SLC66A1: variants seen among roughly 807,000 people sequenced by gnomAD.
SLC66A1 encodes the protein solute carrier family 66 member 1, also known as lysosomal amino acid transporter 1 homolog.
SLC66A1 carries 23 observed loss-of-function variants against 33.0 expected under a neutral mutation model. That is an observed-to-expected ratio of 0.70 (90% CI 0.50 to 0.99). The LOEUF (loss-of-function observed/expected upper bound fraction) is 0.99, where lower values mean the gene tolerates loss of function less well. Among genes scored for constraint, SLC66A1 ranks in the 50% least tolerant of loss-of-function variants. The probability of loss-of-function intolerance (pLI) is 0.00; values close to 1 mark genes in which losing one functional copy is unlikely to be tolerated. For missense variants in SLC66A1, 335 were observed against 383.6 expected (o/e 0.87, Z 1.06); for synonymous variants, 164 against 175.5 (o/e 0.93, Z 0.52).
chr1:19,327,263 CT>C lies in SLC66A1; in HGVS notation c.656del (p.Leu219ArgfsTer5). 6.2e-7 allele frequency: 1 copy of C among 1,613,976 alleles called. No homozygotes were observed. Among genetic ancestry groups the C allele is most frequent in the Non-Finnish European group, 8.5e-7 (1 of 1,179,944 alleles). ...GTCCACCCAGGGGATCTCCTACTCT[CT>C]GTTCGCGCTGGTGATGCTGGGGAAC... ...RKSTQGISYS[L>X]FALVMLGNTL... On this transcript the variant is annotated frameshift_variant, in exon 7 of 8. Transcript: ENST00000375153. LOFTEE classifies it high-confidence loss of function.
intron 1 of SLC66A1, among the ~76,000 whole-genome samples, chr1:19,316,904 C>T (rs1569738806): frequency 2.3e-5 from 3 of 127,686 alleles, no homozygotes; most frequent in Admixed American, 7.9e-5. Flanking sequence ...GAGTCTTGCT[C>T]TGTCACCTCT....
At chr1:19,318,549 C>T (rs1460528126) in intron 2 of SLC66A1, among the ~76,000 whole-genome samples, 1 of 152,194 alleles carries the variant, frequency 6.6e-6, no homozygotes, top group East Asian at 1.9e-4. Flanking sequence ...AATGTTTGCA[C>T]AAGCCTGAAA....
intron 2 of SLC66A1, among the ~76,000 whole-genome samples, chr1:19,323,821 C>T (rs1257002234): frequency 6.6e-6 from 1 of 152,216 alleles, no homozygotes; most frequent in Non-Finnish European, 1.5e-5. Flanking sequence ...ACCGGAGGCT[C>T]AGGTAGGGGT....
At chr1:19,325,374 G>T in intron 3 of SLC66A1, 121 bp from the exon 4 acceptor site, 1 of 672,170 alleles carries the variant, frequency 1.5e-6, no homozygotes, top group Non-Finnish European at 2.6e-6. Flanking sequence ...GGAAACAGAA[G>T]CTCAGAGAGG....
At chr1:19,319,605 G>GTTTTTTTTTTGTTTTTTTTTTTTGTTT (rs56769657) in intron 2 of SLC66A1, among the ~76,000 whole-genome samples, 2 of 111,870 alleles carry the variant, frequency 1.8e-5, no homozygotes, top group Admixed American at 9.5e-5. Flanking sequence ...GCACATTCAT[G>GTTTTTTTTTTGTTTTTTTTTTTTGTTT]TTTTTTTTTT....
At chr1:19,317,180 G>T (rs755635258) in intron 1 of SLC66A1, among the ~76,000 whole-genome samples, 2 of 152,084 alleles carry the variant, frequency 1.3e-5, no homozygotes, top group Non-Finnish European at 2.9e-5. Context: ...CATAGGAAAA[G>T]GTAACATCGA....
chr1:19,317,093 G>C (rs1183059757), intron 1 of SLC66A1, among the ~76,000 whole-genome samples: 2 of 151,860 alleles, frequency 1.3e-5, no homozygotes, highest in East Asian at 3.9e-4. Context: ...AACTTGATGG[G>C]CCTGGCCTCA....
chr1:19,324,860 C>G, intron 3 of SLC66A1, 98 bp downstream of exon 3: 3 of 1,464,330 alleles, frequency 2.0e-6, no homozygotes, highest in Non-Finnish European at 2.8e-6. Flanking sequence ...CGCCTGGTCT[C>G]CAGAACCCTG....
chr1:19,326,593 G>A lies in SLC66A1; in HGVS notation c.588G>A (p.Leu196=). The change falls in exon 6 of 8, where the codon CTG becomes CTA. Residue 196 remains leucine (L), a synonymous_variant. Transcript: ENST00000375153. ...VIGSISSVLY[L]LSRLPQIRTN... ...GCTCCATCTCCAGCGTGTTGTACCT[G>A]CTTTCCCGGCTGCCTCAGATCCGCA... is the stretch of plus-strand genomic sequence containing the variant. 6.2e-7 allele frequency: 1 copy of A among 1,614,200 alleles called. No individual in the cohort carries two copies. Among genetic ancestry groups the A allele is most frequent in the Non-Finnish European group, 8.5e-7 (1 of 1,180,042 alleles).
chr1:19,325,959 T>A (rs1569793191), intron 4 of SLC66A1, among the ~76,000 whole-genome samples: 1 of 152,210 alleles, frequency 6.6e-6, no homozygotes, highest in African/African-American at 2.4e-5. Context: ...CTTGAGGCTA[T>A]ACAGACACGG....
chr1:19,316,215 C>G (rs1007862338), intron 1 of SLC66A1, among the ~76,000 whole-genome samples: 2 of 152,148 alleles, frequency 1.3e-5, no homozygotes, highest in African/African-American at 4.8e-5. Flanking sequence ...GTTAGGCATC[C>G]CCCCCACACT....
chr1:19,324,236 C>T (rs2093851645), intron 2 of SLC66A1, among the ~76,000 whole-genome samples: 1 of 152,240 alleles, frequency 6.6e-6, no homozygotes, highest in Non-Finnish European at 1.5e-5. Flanking sequence ...GTTCTTGTTG[C>T]AATGCCCTTC....
chr1:19,327,488 C>A, intron 7 of SLC66A1, 76 bp downstream of exon 7: 1 of 1,501,390 alleles, frequency 6.7e-7, no homozygotes, highest in Admixed American at 1.8e-5. Flanking sequence ...CGTCAGCACT[C>A]ATCCGTCTCT....
In SLC66A1 at chr1:19,325,640, G is replaced by GGT. The variant is rs368207253; in HGVS notation, c.382+59_382+60insTG. On this transcript the variant is annotated intron_variant, in intron 4 of 7. Coordinates refer to ENST00000375153, the MANE Select transcript of SLC66A1 (RefSeq NM_001040125.2). ...CTACCAGCAGCAGGGGGCAGTTGTG[G>GGT]GGGGGGGCGCCTGGAGTGTGGGAGG... The GGT allele has an allele frequency of 1.2e-4, 135 of 1,166,858 alleles. 2 individuals carry two copies. In the African/African-American group the frequency reaches 2.1e-3, roughly 18 times the overall value. 72.3% of individuals were successfully genotyped at this position (1,166,858 alleles called of 1,614,324 possible). A position where few individuals can be genotyped will look rare whatever the true frequency, so the allele number is the denominator to read the frequency against.
rs2093880338 is a variant in SLC66A1 at position 19,328,304 on chromosome 1, G to C, written c.805-268G>C. Among the ~76,000 whole-genome samples the C allele has an allele frequency of 6.6e-6, 1 of 152,198 alleles. No individual in the cohort carries two copies. Reference sequence around the variant, plus strand: ...GAGAGCAAGCGAAGATCCTGGGCCAGGGTCAAGGGAGGCTGCCCACGGGAA... The same window carrying C: ...GAGAGCAAGCGAAGATCCTGGGCCACGGTCAAGGGAGGCTGCCCACGGGAA... On this transcript the variant is annotated intron_variant, in intron 7 of 7. Transcript: ENST00000375153. The surrounding 1 kb of genome is among the most constrained non-coding windows in gnomAD (Gnocchi z 4.7).
chr1:19,315,077 T>A (rs576023301), intron 1 of SLC66A1, among the ~76,000 whole-genome samples: 1 of 152,086 alleles, frequency 6.6e-6, no homozygotes, highest in East Asian at 1.9e-4. Context: ...CCTGGCTAAT[T>A]TTTGTATTTT....
chr1:19,315,252 G>A (rs2073101), intron 1 of SLC66A1, among the ~76,000 whole-genome samples: 46,969 of 152,094 alleles, frequency 0.31, 7,383 homozygotes, highest in Middle Eastern at 0.36. Flanking sequence ...TTCAGGGGCC[G>A]GAGATGGAGC....
At chr1:19,314,167 C>G (rs923329215) in intron 1 of SLC66A1, among the ~76,000 whole-genome samples, 12 of 152,160 alleles carry the variant, frequency 7.9e-5, no homozygotes, top group African/African-American at 2.7e-4. Flanking sequence ...GCAGGATGGC[C>G]CTCAGAGCCA....
chr1:19,330,227 A>G (rs2093888737), downstream of SLC66A1, among the ~76,000 whole-genome samples: 1 of 151,958 alleles, frequency 6.6e-6, no homozygotes, highest in African/African-American at 2.4e-5. Context: ...GCCTGATCTC[A>G]CCCCACACAC....
Sources: allele counts gnomAD v4.1 joint callset (sites outside exome capture counted in the v4.1 genomes callset), GRCh38; gene constraint gnomAD v4.1.1; non-coding constraint Gnocchi (gnomAD v3.1); transcripts MANE v1.5; gene names NCBI Gene and HGNC (gene_info 2026-07-23, HGNC 2026-07-21).